The following ADAMTSL1 variants were observed in gnomAD, a reference collection of about 807,000 sequenced individuals.
ADAMTSL1 encodes ADAMTS like 1, also known as ADAMTS-like protein 1.
In ADAMTSL1, 126 loss-of-function variants were observed where a neutral mutation model predicts 201.8. The ratio of observed to expected loss-of-function variants is 0.62; its 90% CI spans 0.54 to 0.72. ADAMTSL1 has a LOEUF of 0.72. ADAMTSL1 is among the 30% of genes least tolerant of loss of function. ADAMTSL1 has a pLI of 0.00. For synonymous variants in ADAMTSL1, 1,121 were observed against 903.4 expected (o/e 1.24, Z -4.32); for missense variants, 2,679 against 2,277.8 (o/e 1.18, Z -3.59).
chr9:18,269,426 C>T (rs1478486747), intron 2 of ADAMTSL1, among the ~76,000 whole-genome samples: 2 of 152,088 alleles, frequency 1.3e-5, no homozygotes, highest in Non-Finnish European at 2.9e-5. Flanking sequence ...AAACTTGACA[C>T]TTTGAGTTCT....
chr9:18,763,605 C>G (rs746106446), intron 16 of ADAMTSL1, among the ~76,000 whole-genome samples: 2 of 151,936 alleles, frequency 1.3e-5, no homozygotes, highest in Admixed American at 6.6e-5. Context: ...TTTGTAGTAG[C>G]CTCTTTGTTT....
At chr9:18,684,116 C>G (rs1730185356) in intron 12 of ADAMTSL1, among the ~76,000 whole-genome samples, 1 of 152,108 alleles carries the variant, frequency 6.6e-6, no homozygotes, top group Non-Finnish European at 1.5e-5. Context: ...TTGGCCAAAG[C>G]TAGATAAATA....
intron 3 of ADAMTSL1, among the ~76,000 whole-genome samples, chr9:18,555,090 T>C (rs920513914): frequency 1.3e-5 from 2 of 151,932 alleles, no homozygotes; most frequent in African/African-American, 4.8e-5. Context: ...GTTTGGTGTT[T>C]TTTAGGAGCT....
At chr9:18,023,343 T>C (rs536699427) in intron 1 of ADAMTSL1, among the ~76,000 whole-genome samples, 1 of 152,216 alleles carries the variant, frequency 6.6e-6, no homozygotes, top group Non-Finnish European at 1.5e-5. Flanking sequence ...ATACTGCTGG[T>C]CTGGAGACCA....
At chr9:17,961,783 C>T (rs1418662511) in intron 1 of ADAMTSL1, among the ~76,000 whole-genome samples, 1 of 152,108 alleles carries the variant, frequency 6.6e-6, no homozygotes, top group African/African-American at 2.4e-5. Flanking sequence ...ATTTGAAGGC[C>T]TTTCCCATTT....
chr9:18,533,188 A>G (rs997745960), intron 2 of ADAMTSL1, 59 bp from the exon 3 acceptor site: 5 of 1,463,808 alleles, frequency 3.4e-6, no homozygotes, highest in African/African-American at 2.8e-5. Context: ...ATAAGAAAAT[A>G]TTTCTGATTT....
intron 2 of ADAMTSL1, among the ~76,000 whole-genome samples, chr9:18,296,274 A>C (rs903093725): frequency 6.6e-6 from 1 of 152,200 alleles, no homozygotes; most frequent in South Asian, 2.1e-4. Context: ...AACATAACCA[A>C]ATATAATATG....
intron 23 of ADAMTSL1, among the ~76,000 whole-genome samples, chr9:18,842,833 T>A (rs1375610872): frequency 6.6e-6 from 1 of 152,044 alleles, no homozygotes; most frequent in Non-Finnish European, 1.5e-5. Context: ...TTGAAGTCTG[T>A]TTTATCAGAG....
rs535234478 is a variant in ADAMTSL1, at chr9:18,667,468, C to A, written c.1085+5395C>A. The stretch of plus-strand genomic sequence containing the variant: ...TGGCATAAAACGTCCTGGCTTGAGA[C>A]CCTGGCTCTGCCACTTACTAGTTGA... On this transcript the variant is annotated intron_variant, in intron 9 of 28. Transcript: ENST00000380548. Among the ~76,000 whole-genome samples, 11 of 152,192 alleles carry A rather than the reference C, an allele frequency of 7.2e-5. 2 individuals carry two copies. The highest frequency in any genetic ancestry group is 1.9e-4 in the African/African-American group (8 of 41,528).
chr9:18,795,601 A>G, intron 20 of ADAMTSL1, 77 bp downstream of exon 20: 2 of 1,441,770 alleles, frequency 1.4e-6, no homozygotes, highest in Non-Finnish European at 1.9e-6. Flanking sequence ...AAACAGGCCC[A>G]GAGATGCATA....
intron 2 of ADAMTSL1, among the ~76,000 whole-genome samples, chr9:18,337,266 G>A (rs142852388): frequency 1.3e-5 from 2 of 152,246 alleles, no homozygotes; most frequent in African/African-American, 4.8e-5. Flanking sequence ...TACACTTGTG[G>A]TTTGCCAGGG....
At chr9:18,633,389 A>C (rs974494721) in intron 5 of ADAMTSL1, among the ~76,000 whole-genome samples, 1 of 152,060 alleles carries the variant, frequency 6.6e-6, no homozygotes, top group Non-Finnish European at 1.5e-5. Context: ...CAGGAGTTCA[A>C]GACCTGCCTG....
chr9:18,650,362 G>A (rs890915457), intron 7 of ADAMTSL1, among the ~76,000 whole-genome samples: 6 of 152,132 alleles, frequency 3.9e-5, no homozygotes, highest in South Asian at 2.1e-4. Flanking sequence ...GCAATGCCTC[G>A]CCCTGCTTCG....
intron 2 of ADAMTSL1, among the ~76,000 whole-genome samples, chr9:18,430,122 A>C (rs58908547): frequency 0.013 from 2,012 of 152,146 alleles, 46 homozygotes; most frequent in African/African-American, 0.045. Context: ...GGACTTCTTA[A>C]AATTTTATAT....
chr9:18,427,449 A>G (rs1351140957), intron 2 of ADAMTSL1, among the ~76,000 whole-genome samples: 1 of 152,256 alleles, frequency 6.6e-6, no homozygotes, highest in Admixed American at 6.5e-5. Flanking sequence ...GGTGACTTCT[A>G]TATCTAAACA....
At chr9:18,687,407 C>T (rs1218311285) in intron 13 of ADAMTSL1, among the ~76,000 whole-genome samples, 2 of 152,162 alleles carry the variant, frequency 1.3e-5, no homozygotes, top group Non-Finnish European at 2.9e-5. Flanking sequence ...TTCCCCCCAC[C>T]AAGGAGACTC....
At chr9:18,621,269 A>G (rs1325725463) in intron 4 of ADAMTSL1, among the ~76,000 whole-genome samples, 1 of 152,230 alleles carries the variant, frequency 6.6e-6, no homozygotes, top group Non-Finnish European at 1.5e-5. Flanking sequence ...GAGGAAAGAC[A>G]CAAATGGCAT....
intron 3 of ADAMTSL1, among the ~76,000 whole-genome samples, chr9:18,539,175 C>T (rs897721083): frequency 1.3e-5 from 2 of 152,134 alleles, no homozygotes; most frequent in Admixed American, 1.3e-4. Flanking sequence ...TTCGCTTATT[C>T]ATTCTCTTGA....
chr9:18,066,126 A>G (rs932733453), intron 1 of ADAMTSL1, among the ~76,000 whole-genome samples: 2 of 152,036 alleles, frequency 1.3e-5, no homozygotes, highest in Non-Finnish European at 2.9e-5. Context: ...TAGTGTCACT[A>G]TGTTCTTTCA....
Sources: allele counts gnomAD v4.1 joint callset (sites outside exome capture counted in the v4.1 genomes callset), GRCh38; gene constraint gnomAD v4.1.1; transcripts MANE v1.5; gene names NCBI Gene and HGNC (gene_info 2026-07-23, HGNC 2026-07-21).